TMEM145: variants seen among roughly 807,000 people sequenced by gnomAD.
TMEM145 encodes transmembrane protein 145.
A neutral mutation model predicts 68.5 loss-of-function variants in TMEM145; 46 were observed. That is an observed-to-expected ratio of 0.67 (90% CI 0.53 to 0.86). The LOEUF (loss-of-function observed/expected upper bound fraction) is 0.86. TMEM145 is among the 40% of genes least tolerant of loss of function. The pLI, the probability that TMEM145 is intolerant of heterozygous loss-of-function variation, is 0.00. For missense variants in TMEM145, 570 were observed against 645.8 expected (o/e 0.88, Z 1.27); for synonymous variants, 255 against 280.2 (o/e 0.91, Z 0.90).
intron 5 of TMEM145, 55 bp downstream of exon 5, chr19:42,314,906 G>A (rs1224909925): frequency 1.9e-6 from 3 of 1,614,078 alleles, no homozygotes; most frequent in Middle Eastern, 1.6e-4. Flanking sequence ...AAGGGGCTGG[G>A]GTGGCCACCT....
In TMEM145 at chr19:42,317,750, G is replaced by T; in HGVS notation, c.942G>T (p.Pro314=). ...AGGTACTGTACACGTATGAGTCGCC[G>T]GCCGGCTACGGGCTCATTGGACTGC... ...PGQVLYTYES[P]AGYGLIGLQV... is the part of the protein sequence containing the mutation. Residue 314 remains proline (P), a synonymous_variant, in exon 12 of 15, where the codon CCG becomes CCT. Transcript: ENST00000301204. 1 of 1,614,168 alleles carries T rather than the reference G, an allele frequency of 6.2e-7. No individual in the cohort carries two copies. Among genetic ancestry groups the T allele is most frequent in the South Asian group, 1.1e-5 (1 of 91,088 alleles).
At position 42,314,546 on chromosome 19, in the gene TMEM145, G is replaced by T. The variant is rs1282902054; in HGVS notation, c.273+18G>T. 1 of 1,614,172 alleles carries T rather than the reference G, an allele frequency of 6.2e-7. No homozygotes were observed. The highest frequency in any genetic ancestry group is 1.7e-5 in the Admixed American group (1 of 60,028). On this transcript the variant is annotated intron_variant, in intron 3 of 14. Coordinates refer to ENST00000301204, the MANE Select transcript of TMEM145 (RefSeq NM_173633.3). Reference sequence around the variant, plus strand: ...GGGACAAGGTGAGGGCTGTGAAGAGGGCATAGGGGGAGAGGGGAGAAGGTC... The same window carrying T: ...GGGACAAGGTGAGGGCTGTGAAGAGTGCATAGGGGGAGAGGGGAGAAGGTC...
chr19:42,324,323 C>T (rs1045159811), intron 14 of TMEM145: 1 of 985,296 alleles, frequency 1.0e-6, no homozygotes, highest in Non-Finnish European at 1.2e-6. Flanking sequence ...GGCGGTGGCC[C>T]CGAGGGGCCG....
chr19:42,323,747 C>G lies in TMEM145; in HGVS notation c.1359C>G (p.Pro453=), dbSNP rs1206743691. ...GNVTFISDSV[P]NFTELFSIPP... is the part of the protein sequence containing the mutation. ...TGACGTTTATCAGCGACTCGGTGCC[C>G]AACTTCACGGAGCTCTTCTCCATCC... is the stretch of plus-strand genomic sequence containing the variant. The change falls in exon 14 of 15, where the codon CCC becomes CCG. Residue 453 remains proline, a synonymous_variant. Coordinates refer to ENST00000301204, the MANE Select transcript of TMEM145 (RefSeq NM_173633.3). The G allele has an allele frequency of 6.2e-7, 1 of 1,614,162 alleles. No individual in the cohort carries two copies. The highest frequency in any genetic ancestry group is 8.5e-7 in the Non-Finnish European group (1 of 1,180,008).
chr19:42,324,957 T>TA lies in TMEM145; in HGVS notation c.*141dup. On this transcript the variant is annotated 3_prime_UTR_variant, in exon 15 of 15. Coordinates refer to ENST00000301204, the MANE Select transcript of TMEM145 (RefSeq NM_173633.3). ...CCTCGGATCTGTGACCTCGGACCCGTACTCCATCTGCCGCATCTCCATTCC... is the reference window on the plus strand; with the variant it reads ...CCTCGGATCTGTGACCTCGGACCCGTAACTCCATCTGCCGCATCTCCATTCC... 8.0e-7 allele frequency: 1 copy of TA among 1,251,830 alleles called. No individual in the cohort carries two copies. The highest frequency in any genetic ancestry group is 1.6e-5 in the African/African-American group (1 of 64,242). The allele number at this position is 1,251,830 out of a possible 1,614,324, so 77.5% of individuals were successfully genotyped here.
intron 8 of TMEM145, among the ~76,000 whole-genome samples, chr19:42,316,031 AAAAAC>A (rs956670513): frequency 3.3e-5 from 5 of 151,784 alleles, no homozygotes; most frequent in Non-Finnish European, 4.4e-5. Context: ...CTCTGTCTCA[AAAAAC>A]AAAACAAAAC....
intron 1 of TMEM145, 116 bp from the exon 2 acceptor site, chr19:42,314,156 C>T (rs1207071110): frequency 1.2e-5 from 13 of 1,065,022 alleles, no homozygotes; most frequent in Non-Finnish European, 1.9e-5. Flanking sequence ...GACCTGGTCT[C>T]CTTCTAGTAC....
chr19:42,317,818 C>T lies in TMEM145; in HGVS notation c.1010C>T (p.Ser337Leu), dbSNP rs748106165. The T allele has an allele frequency of 6.2e-7, 1 of 1,614,198 alleles. No homozygotes were observed. The highest frequency in any genetic ancestry group is 8.5e-7 in the Non-Finnish European group (1 of 1,180,030). The change falls in exon 12 of 15, where the codon TCA becomes TTA. Residue 337 changes from serine (S) to leucine (L), a missense_variant. By Grantham distance (145) the Ser-to-Leu change is moderately radical. Coordinates refer to ENST00000301204, the MANE Select transcript of TMEM145 (RefSeq NM_173633.3). The stretch of plus-strand genomic sequence containing the variant: ...TGGTTCTGCTATGCTGTGCTTGTCT[C>T]ACTGCGACACTTTCCTGAGAAGCAG... ...YVWFCYAVLV[S>L]LRHFPEKQPF...
chr19:42,315,067 T>TG lies in TMEM145; in HGVS notation c.496dup (p.Asp166GlyfsTer2). 6.2e-7 allele frequency: 1 copy of TG among 1,614,164 alleles called. No individual in the cohort carries two copies. Among genetic ancestry groups the TG allele is most frequent in the Non-Finnish European group, 8.5e-7 (1 of 1,180,016 alleles). On this transcript the variant is annotated frameshift_variant, in exon 6 of 15. Coordinates refer to ENST00000301204, the MANE Select transcript of TMEM145 (RefSeq NM_173633.3). LOFTEE classifies it high-confidence loss of function. ...CCTTCTGGACACGACACTTCTCCGC[T>TG]GATGAGTTTGGTGAGCACGTGGGGA...
chr19:42,315,340 T>C (rs996955785), intron 7 of TMEM145, 32 bp from the exon 8 acceptor site: 7 of 1,614,098 alleles, frequency 4.3e-6, no homozygotes, highest in Non-Finnish European at 5.9e-6. Flanking sequence ...CCTTTCTGCC[T>C]GTGGACAGCC....
intron 7 of TMEM145, 54 bp from the exon 8 acceptor site, chr19:42,315,318 T>C (rs1332722500): frequency 5.0e-6 from 8 of 1,613,444 alleles, no homozygotes; most frequent in Non-Finnish European, 6.8e-6. Flanking sequence ...TTGGGGGAGG[T>C]GAGCTGCTCT....
intron 13 of TMEM145, among the ~76,000 whole-genome samples, chr19:42,321,962 T>G (rs550961346): frequency 6.6e-6 from 1 of 152,216 alleles, no homozygotes; most frequent in Non-Finnish European, 1.5e-5. Context: ...CAGGGCTCCG[T>G]GGCCTTTGGC....
chr19:42,323,398 T>C (rs1039598546), intron 13 of TMEM145, among the ~76,000 whole-genome samples, 185 bp from the exon 14 acceptor site: 3 of 152,108 alleles, frequency 2.0e-5, no homozygotes, highest in Admixed American at 1.3e-4. Context: ...CCGAGTTTTG[T>C]TGAAGGGAAA....
At chr19:42,323,466 G>C in intron 13 of TMEM145, 117 bp from the exon 14 acceptor site, 1 of 962,182 alleles carries the variant, frequency 1.0e-6, no homozygotes, top group Non-Finnish European at 1.6e-6. Flanking sequence ...CAGTGTGAAT[G>C]GCTTCAGGGA....
At position 42,313,384 on chromosome 19, in the gene TMEM145, C is replaced by T. The variant is rs967317004; in HGVS notation, c.8C>T (p.Pro3Leu). 6.1e-5 allele frequency: 77 copies of T among 1,252,138 alleles called. 1 individual carries two copies. The highest frequency in any genetic ancestry group is 7.6e-5 in the Non-Finnish European group (74 of 973,162). The allele number at this position is 1,252,138 out of a possible 1,614,324, so 77.6% of individuals were successfully genotyped here. A position where few individuals can be genotyped will look rare whatever the true frequency, so the allele number is the denominator to read the frequency against. The change falls in exon 1 of 15, where the codon CCC becomes CTC. Residue 3 changes from proline (P) to leucine (L), a missense_variant. Transcript: ENST00000301204. This position sits in a 1 kb window ranked among gnomAD's most constrained non-coding sequence, Gnocchi z 5.1. ME[P>L]LRAPALRRLL... ...GGGGCCGGAGCGGGCGGAATGGAGC[C>T]CCTGCGCGCGCCCGCGCTGCGCCGC...
At position 42,320,317 on chromosome 19, in the gene TMEM145, G is replaced by T. The variant is rs762364427; in HGVS notation, c.1074G>T (p.Trp358Cys). ...TACTGACCCAATACTTCCCCTTCAGGTTCTTTGCGGTTCCTGTCATGGCCC... is the reference window on the plus strand; with the variant it reads ...TACTGACCCAATACTTCCCCTTCAGTTTCTTTGCGGTTCCTGTCATGGCCC... The part of the protein sequence containing the change: ...YVPFFAAYTL[W>C]FFAVPVMALI... The change falls in exon 13 of 15, where the codon TGG (tryptophan) becomes TGT (cysteine). Residue 358 changes from tryptophan to cysteine, a missense_variant and splice_region_variant. Trp to Cys is a radical substitution (Grantham distance 215). Transcript: ENST00000301204. The T allele has an allele frequency of 4.3e-6, 7 of 1,613,930 alleles. No homozygotes were observed. The highest frequency in any genetic ancestry group is 2.2e-5 in the East Asian group (1 of 44,886).
chr19:42,319,984 C>T (rs2038896325), intron 12 of TMEM145, among the ~76,000 whole-genome samples: 1 of 152,098 alleles, frequency 6.6e-6, no homozygotes, highest in African/African-American at 2.4e-5. Flanking sequence ...GTCTCGAACT[C>T]CCAACCTCAG....
Position 42,323,800 on chromosome 19 carries a change from C to A in TMEM145, c.1401+11C>A. The A allele has an allele frequency of 6.2e-7, 1 of 1,612,600 alleles. No homozygotes were observed. ...CCGCCCGCCACCTCCGTAAGCCCCG[C>A]GGCCCCAGCGCCCGAGGAGCTGCTG... On this transcript the variant is annotated intron_variant, in intron 14 of 14. Transcript: ENST00000301204.
In TMEM145 at chr19:42,320,297, A is replaced by G. The variant is rs546453608; in HGVS notation, c.1074-20A>G. 7 of 1,613,270 alleles carry G rather than the reference A, an allele frequency of 4.3e-6. No individual in the cohort carries two copies. In the South Asian group the frequency reaches 7.7e-5, roughly 18 times the overall value. On this transcript the variant is annotated intron_variant, in intron 12 of 14. Coordinates refer to ENST00000301204, the MANE Select transcript of TMEM145 (RefSeq NM_173633.3). The stretch of plus-strand genomic sequence containing the variant: ...GAGGACAGGAGCAGTGTCTCTACTG[A>G]CCCAATACTTCCCCTTCAGGTTCTT...
Sources: allele counts gnomAD v4.1 joint callset (sites outside exome capture counted in the v4.1 genomes callset), GRCh38; gene constraint gnomAD v4.1.1; non-coding constraint Gnocchi (gnomAD v3.1); transcripts MANE v1.5; gene names NCBI Gene and HGNC (gene_info 2026-07-23, HGNC 2026-07-21).